Variants in CHRM3 observed in about 807,000 individuals in gnomAD.
CHRM3 encodes muscarinic acetylcholine receptor M3.
A neutral mutation model predicts 41.8 loss-of-function variants in CHRM3; 11 were observed. The observed-to-expected ratio is 0.26, with a 90% CI of 0.17 to 0.44. The LOEUF (loss-of-function observed/expected upper bound fraction) is 0.44, where lower values mean the gene tolerates loss of function less well. Among genes scored for constraint, CHRM3 ranks in the 20% least tolerant of loss-of-function variants. The pLI is 1.00. For synonymous variants in CHRM3, 297 were observed against 301.4 expected, an observed-to-expected ratio of 0.99 and a Z score of 0.15; for missense variants, 571 against 745.4, an observed-to-expected ratio of 0.77 and a Z score of 2.72.
intron 3 of CHRM3, among the ~76,000 whole-genome samples, chr1:239,622,419 A>G (rs1323761910): frequency 6.6e-6 from 1 of 152,194 alleles, no homozygotes; most frequent in African/African-American, 2.4e-5. Context: ...CCTTCTAGAA[A>G]GGATTCACCA....
chr1:239,777,763 T>C (rs1336799614), intron 5 of CHRM3, among the ~76,000 whole-genome samples: 1 of 152,326 alleles, frequency 6.6e-6, no homozygotes, highest in East Asian at 1.9e-4. Context: ...TAGAGAGTTG[T>C]GAAAAGGTTT....
At chr1:239,677,197 A>C (rs1352801145) in intron 4 of CHRM3, among the ~76,000 whole-genome samples, 2 of 152,114 alleles carry the variant, frequency 1.3e-5, no homozygotes, top group East Asian at 3.9e-4. Context: ...ATCTACATCT[A>C]ACTTGGCCTC....
intron 2 of CHRM3, among the ~76,000 whole-genome samples, chr1:239,499,525 G>A (rs752532761): frequency 7.9e-5 from 12 of 152,100 alleles, no homozygotes; most frequent in Non-Finnish European, 1.3e-4. Context: ...GCACTTGATT[G>A]TTCAAGACTC....
chr1:239,883,558 A>G (rs114892569), intron 6 of CHRM3, among the ~76,000 whole-genome samples: 4,499 of 152,264 alleles, frequency 0.03, 96 homozygotes, highest in Non-Finnish European at 0.044. Context: ...GATCCTCCCT[A>G]CAACCCCACA....
chr1:239,499,937 G>C (rs997454552), intron 2 of CHRM3, among the ~76,000 whole-genome samples: 1 of 152,160 alleles, frequency 6.6e-6, no homozygotes, highest in African/African-American at 2.4e-5. Flanking sequence ...CCAGTGCTGA[G>C]AGAATTTGTG....
At chr1:239,485,773 A>G (rs987037423) in intron 1 of CHRM3, among the ~76,000 whole-genome samples, 8 of 152,104 alleles carry the variant, frequency 5.3e-5, no homozygotes, top group Admixed American at 6.5e-5. Context: ...CTCTCCTAGA[A>G]CTTGACCTCC....
chr1:239,495,288 A>G (rs183505222), intron 2 of CHRM3, among the ~76,000 whole-genome samples: 465 of 152,310 alleles, frequency 3.1e-3, no homozygotes, highest in Non-Finnish European at 5.1e-3. Context: ...CCATGTAGGC[A>G]TTTGGGTCTT....
intron 4 of CHRM3, among the ~76,000 whole-genome samples, chr1:239,669,576 G>C (rs1003580098): frequency 6.6e-6 from 1 of 152,086 alleles, no homozygotes; most frequent in Non-Finnish European, 1.5e-5. Flanking sequence ...TGTCACCCAA[G>C]TTGATTCTAA....
chr1:239,502,533 G>A (rs545893814), intron 2 of CHRM3, among the ~76,000 whole-genome samples: 1 of 152,228 alleles, frequency 6.6e-6, no homozygotes, highest in African/African-American at 2.4e-5. Context: ...CAATCCTTTT[G>A]ATACTATTCC....
chr1:239,632,080 G>A (rs1669909037), intron 3 of CHRM3, 144 bp from the exon 4 acceptor site: 1 of 152,114 alleles, frequency 6.6e-6, no homozygotes, highest in South Asian at 2.1e-4. Context: ...ACCATGATCT[G>A]GGAAGTCACT....
intron 4 of CHRM3, among the ~76,000 whole-genome samples, chr1:239,647,185 G>A (rs760664177): frequency 4.6e-5 from 7 of 151,868 alleles, no homozygotes; most frequent in Admixed American, 2.6e-4. Flanking sequence ...CTCACCATCC[G>A]TGACCCCATT....
chr1:239,441,367 A>G (rs138986508), intron 1 of CHRM3, among the ~76,000 whole-genome samples: 1 of 152,320 alleles, frequency 6.6e-6, no homozygotes, highest in Non-Finnish European at 1.5e-5. Flanking sequence ...TGTACCTTTC[A>G]TCAGTATCTA....
chr1:239,586,551 AG>A, intron 3 of CHRM3, among the ~76,000 whole-genome samples: 1 of 152,198 alleles, frequency 6.6e-6, no homozygotes, highest in East Asian at 1.9e-4. Context: ...CAACATTTCA[AG>A]GATCTTATGC....
intron 3 of CHRM3, among the ~76,000 whole-genome samples, chr1:239,615,343 T>C (rs1667518276): frequency 6.6e-6 from 1 of 152,094 alleles, no homozygotes; most frequent in Admixed American, 6.5e-5. Context: ...GGTACTTCCA[T>C]GTAATCAGCT....
At chr1:239,528,351 C>T (rs1475498704) in intron 2 of CHRM3, among the ~76,000 whole-genome samples, 3 of 152,288 alleles carry the variant, frequency 2.0e-5, no homozygotes, top group African/African-American at 4.8e-5. Flanking sequence ...CATGTCTCTT[C>T]TGACAAGAGG....
rs185388611 is a variant in CHRM3, at chr1:239,847,618, T to G, written c.-20+20240T>G. Reference sequence around the variant, plus strand: ...GCTCACACCTGTACTCCCAGCACTTTGGGACGCCAAAGTGGGTGGGAGGAT... The same window carrying G: ...GCTCACACCTGTACTCCCAGCACTTGGGGACGCCAAAGTGGGTGGGAGGAT... On this transcript the variant is annotated intron_variant, in intron 6 of 6. Coordinates refer to ENST00000676153, the MANE Select transcript of CHRM3 (RefSeq NM_001375978.1). Among the ~76,000 whole-genome samples, 22 of 152,270 alleles carry G rather than the reference T, an allele frequency of 1.4e-4. No homozygotes were observed. In the East Asian group the frequency reaches 4.1e-3, roughly 28 times the overall value.
chr1:239,593,030 A>G (rs1418371312), intron 3 of CHRM3, among the ~76,000 whole-genome samples: 4 of 151,870 alleles, frequency 2.6e-5, no homozygotes, highest in Admixed American at 1.3e-4. Context: ...TCAACTCCCC[A>G]TCTTCCACCC....
intron 1 of CHRM3, among the ~76,000 whole-genome samples, chr1:239,394,416 G>A (rs1035294555): frequency 1.1e-4 from 16 of 152,138 alleles, no homozygotes; most frequent in Non-Finnish European, 1.6e-4. Flanking sequence ...GGATATGTGT[G>A]ATTGCAGTGA....
chr1:239,609,682 C>A (rs1485774147), intron 3 of CHRM3, among the ~76,000 whole-genome samples: 1 of 152,158 alleles, frequency 6.6e-6, no homozygotes, highest in Non-Finnish European at 1.5e-5. Flanking sequence ...CAATTGTGGT[C>A]ATTTTAGTGG....
Sources: gnomAD v4.1 joint callset for allele counts (sites outside exome capture counted in the v4.1 genomes callset) on GRCh38, gnomAD v4.1.1 for gene constraint, MANE v1.5 for transcripts, NCBI Gene and HGNC (gene_info 2026-07-23, HGNC 2026-07-21) for gene names.